TBC1D19: variants seen among roughly 807,000 people sequenced by gnomAD.
TBC1D19 encodes TBC1 domain family, member 19.
In TBC1D19, 60 loss-of-function variants were observed where a neutral mutation model predicts 89.0. The observed-to-expected ratio is 0.67, with a 90% confidence interval of 0.55 to 0.84. TBC1D19 has a LOEUF of 0.84. TBC1D19 is among the 40% of genes least tolerant of loss of function. The pLI, the probability that TBC1D19 is intolerant of heterozygous loss-of-function variation, is 0.00. For synonymous variants in TBC1D19, 189 were observed against 199.7 expected, an observed-to-expected ratio of 0.95 and a Z score of 0.45; for missense variants, 500 against 610.8, an observed-to-expected ratio of 0.82 and a Z score of 1.91.
At chr4:26,849,162 C>G in the TBC1D19 span, among the ~76,000 whole-genome samples, 1 of 150,528 alleles carries the variant, frequency 6.6e-6, no homozygotes, top group African/African-American at 2.5e-5. Context: ...GATGACAGAG[C>G]AAGACTTTGT....
the TBC1D19 span, among the ~76,000 whole-genome samples, chr4:26,855,538 A>G: frequency 1.3e-5 from 2 of 152,226 alleles, no homozygotes; most frequent in Non-Finnish European, 2.9e-5. Flanking sequence ...TTTTCGTTTC[A>G]GATGGGTGTA....
At chr4:26,734,164 C>A (rs116986634) in intron 15 of TBC1D19, among the ~76,000 whole-genome samples, 4 of 152,136 alleles carry the variant, frequency 2.6e-5, no homozygotes, top group Non-Finnish European at 5.9e-5. Context: ...GTTTGGCTCA[C>A]TATGAGAAAA....
chr4:26,810,979 A>G, the TBC1D19 span, among the ~76,000 whole-genome samples: 1 of 152,220 alleles, frequency 6.6e-6, no homozygotes, highest in Admixed American at 6.5e-5. Flanking sequence ...CAGAAATACC[A>G]TTTGACCAAG....
chr4:26,658,603 G>T (rs1745030171), intron 7 of TBC1D19, among the ~76,000 whole-genome samples: 1 of 152,146 alleles, frequency 6.6e-6, no homozygotes, highest in South Asian at 2.1e-4. Context: ...GTTTAAAGTA[G>T]TTTTTTCCGA....
At chr4:26,638,915 C>T (rs1577850599) in intron 6 of TBC1D19, 81 bp downstream of exon 6, 6 of 1,147,128 alleles carry the variant, frequency 5.2e-6, no homozygotes, top group South Asian at 2.9e-5. Flanking sequence ...ACATAATTAA[C>T]AATTCTTTTG....
chr4:26,719,995 G>C, intron 14 of TBC1D19, 86 bp from the exon 15 acceptor site: 1 of 1,113,320 alleles, frequency 9.0e-7, no homozygotes, highest in Non-Finnish European at 1.3e-6. Flanking sequence ...TTAAAATTCC[G>C]TTGTTAGTAC....
chr4:26,609,581 T>C (rs770916503), intron 1 of TBC1D19, among the ~76,000 whole-genome samples: 11 of 151,452 alleles, frequency 7.3e-5, no homozygotes, highest in Middle Eastern at 3.2e-3. Flanking sequence ...GTGGCTAGGG[T>C]GTGTGGGGAG....
intron 10 of TBC1D19, among the ~76,000 whole-genome samples, chr4:26,673,261 A>C (rs1174265786): frequency 6.6e-6 from 1 of 151,682 alleles, no homozygotes; most frequent in Non-Finnish European, 1.5e-5. Context: ...ATTTAATAGA[A>C]TAGATAGCTA....
chr4:26,815,617 T>C, the TBC1D19 span, among the ~76,000 whole-genome samples: 1 of 152,236 alleles, frequency 6.6e-6, no homozygotes, highest in Non-Finnish European at 1.5e-5. Context: ...GTTTAAATGC[T>C]CTTCCTCTCC....
chr4:26,743,143 C>T (rs1163371647), intron 18 of TBC1D19, among the ~76,000 whole-genome samples: 2 of 151,944 alleles, frequency 1.3e-5, no homozygotes, highest in Non-Finnish European at 2.9e-5. Context: ...CTCTGGACTT[C>T]AAGATTATTG....
chr4:26,619,456 C>T (rs961469331), intron 3 of TBC1D19, among the ~76,000 whole-genome samples: 33 of 152,228 alleles, frequency 2.2e-4, no homozygotes, highest in African/African-American at 7.2e-4. Context: ...CCACCCACCT[C>T]GGCCTCCCAA....
At chr4:26,718,042 A>G in intron 14 of TBC1D19, 25 bp downstream of exon 14, 2 of 1,552,440 alleles carry the variant, frequency 1.3e-6, no homozygotes, top group Non-Finnish European at 1.8e-6. Flanking sequence ...ATTTTAAGGA[A>G]GTATTAAGAC....
intron 1 of TBC1D19, chr4:26,584,821 C>T (rs1739319685): frequency 6.0e-6 from 1 of 167,590 alleles, no homozygotes; most frequent in Non-Finnish European, 1.3e-5. Context: ...TATTTTATAA[C>T]ATGCTAGGCA....
Position 26,748,495 on chromosome 4 carries a change from C to T in TBC1D19, c.1404C>T (p.Ile468=), listed in dbSNP as rs368501527. The T allele has an allele frequency of 3.0e-5, 48 of 1,613,490 alleles. No homozygotes were observed. The highest frequency in any genetic ancestry group is 3.5e-5 in the Non-Finnish European group (41 of 1,179,738). Reference sequence around the variant, plus strand: ...AGCTCTTGCTTTTATGGGATAGAATCCTAGGATACAACTCTCTGGAAATTC... The same window carrying T: ...AGCTCTTGCTTTTATGGGATAGAATTCTAGGATACAACTCTCTGGAAATTC... ...TDQLLLLWDR[I]LGYNSLEILA... The change falls in exon 19 of 21, where the codon ATC becomes ATT. Residue 468 remains isoleucine, a synonymous_variant. Coordinates refer to ENST00000264866, the MANE Select transcript of TBC1D19 (RefSeq NM_018317.4).
the TBC1D19 span, among the ~76,000 whole-genome samples, chr4:26,789,876 G>A: frequency 2.6e-5 from 4 of 152,182 alleles, no homozygotes; most frequent in South Asian, 8.3e-4. Context: ...ATGAAACCAT[G>A]TCTTTTGCAA....
chr4:26,687,189 G>A (rs980294665), intron 12 of TBC1D19, among the ~76,000 whole-genome samples: 1 of 152,098 alleles, frequency 6.6e-6, no homozygotes, highest in African/African-American at 2.4e-5. Context: ...CTTATAAATA[G>A]ATGAACACTA....
chr4:26,702,881 C>T (rs1452485189), intron 13 of TBC1D19, among the ~76,000 whole-genome samples: 1 of 152,186 alleles, frequency 6.6e-6, no homozygotes, highest in Admixed American at 6.5e-5. Context: ...TGCCCCCGGG[C>T]CCAGCAGTCA....
At chr4:26,655,409 G>A (rs1744722456) in intron 7 of TBC1D19, among the ~76,000 whole-genome samples, 1 of 152,200 alleles carries the variant, frequency 6.6e-6, no homozygotes, top group African/African-American at 2.4e-5. Context: ...TGTCAGACAG[G>A]GACATTTAAG....
intron 4 of TBC1D19, among the ~76,000 whole-genome samples, chr4:26,631,666 C>T (rs1479166906): frequency 5.9e-5 from 9 of 152,188 alleles, no homozygotes; most frequent in Non-Finnish European, 1.3e-4. Flanking sequence ...AAATGGTAAT[C>T]AAATAAGTTT....
Sources: gnomAD v4.1 joint callset for allele counts (sites outside exome capture counted in the v4.1 genomes callset) on GRCh38, gnomAD v4.1.1 for gene constraint, MANE v1.5 for transcripts, NCBI Gene and HGNC (gene_info 2026-07-23, HGNC 2026-07-21) for gene names.